CTPS2: variants seen among roughly 807,000 people sequenced by gnomAD.
CTPS2 encodes the protein CTP synthase 2, also known as CTP synthase II.
CTPS2 carries 19 observed loss-of-function variants against 46.8 expected under a neutral mutation model. That is an observed-to-expected ratio of 0.41 (90% CI 0.28 to 0.60). The LOEUF is 0.60. CTPS2 is among the 20% of genes least tolerant of loss of function. The probability of loss-of-function intolerance (pLI) is 0.35; values close to 1 mark genes in which losing one functional copy is unlikely to be tolerated. For synonymous variants in CTPS2, 151 were observed against 165.2 expected (o/e 0.91, Z 0.66); for missense variants, 286 against 447.6 (o/e 0.64, Z 3.26).
At position 16,662,012 on chromosome X, in the gene CTPS2, A is replaced by ATATATATATATATATATG. The variant is rs1555967619; in HGVS notation, c.1296+5501_1296+5502insCATATATATATATATATA. On this transcript the variant is annotated intron_variant, in intron 13 of 18. Transcript: ENST00000359276. ...TTCATTCATATATATATATATATAT[A>ATATATATATATATATATG]TGCCTCAAAAGCTGAAAATATTCAA... Among the ~76,000 whole-genome samples the ATATATATATATATATATG allele has an allele frequency of 1.0e-3, 107 of 105,428 alleles. 1 individual carries two copies. Among genetic ancestry groups the ATATATATATATATATATG allele is most frequent in the African/African-American group, 3.6e-3 (102 of 28,531 alleles). 91.6% of individuals were successfully genotyped at this position (105,428 alleles called of 115,157 possible).
chrX:16,617,319 T>C, intron 15 of CTPS2, 73 bp from the exon 16 acceptor site: 3 of 745,936 alleles, frequency 4.0e-6, no homozygotes, highest in Non-Finnish European at 6.0e-6. Context: ...CTTCATCAGT[T>C]GGGTGGGTTT....
chrX:16,664,202 C>T (rs1394084954), intron 13 of CTPS2, among the ~76,000 whole-genome samples: 2 of 112,306 alleles, frequency 1.8e-5, no homozygotes, highest in Non-Finnish European at 3.8e-5. Context: ...AAGAATTAAC[C>T]TTGCCAACAC....
chrX:16,653,809 T>C (rs1196219280), intron 13 of CTPS2, among the ~76,000 whole-genome samples: 1 of 112,314 alleles, frequency 8.9e-6, no homozygotes, highest in Non-Finnish European at 1.9e-5. Context: ...GGTTGAGCTC[T>C]GGAGTCAACG....
chrX:16,666,513 T>C (rs1245439009), intron 13 of CTPS2, among the ~76,000 whole-genome samples: 1 of 111,016 alleles, frequency 9.0e-6, no homozygotes, highest in Non-Finnish European at 1.9e-5. Flanking sequence ...CTGGGCAACA[T>C]AGTGAGACCT....
At chrX:16,636,833 C>T (rs1446323386) in intron 14 of CTPS2, among the ~76,000 whole-genome samples, 7 of 110,494 alleles carry the variant, frequency 6.3e-5, no homozygotes, top group African/African-American at 2.3e-4. Flanking sequence ...AGGAGAATGG[C>T]GTGAACCTGG....
At chrX:16,603,815 TAGC>T (rs1385317746) in intron 17 of CTPS2, among the ~76,000 whole-genome samples, 1 of 110,903 alleles carries the variant, frequency 9.0e-6, no homozygotes, top group African/African-American at 3.3e-5. Context: ...GCATGTTACT[TAGC>T]AGGAAAAAAC....
chrX:16,654,438 C>T, intron 13 of CTPS2: 1 of 1,202,458 alleles, frequency 8.3e-7, no homozygotes, highest in Non-Finnish European at 1.1e-6. Context: ...CTTTCAAGAA[C>T]TGGACAAGAA....
rs1458417128 is a variant in CTPS2 at position 16,704,670 on chromosome X, G to A, written c.-39-1729C>T. On this transcript the variant is annotated intron_variant, in intron 1 of 18. Transcript: ENST00000359276. ...GTAAATAAACTACAGACTTTCCGCCGGGCACGGTGGCTCACACCTGTAATC... is the reference window on the plus strand; with the variant it reads ...GTAAATAAACTACAGACTTTCCGCCAGGCACGGTGGCTCACACCTGTAATC... 7.2e-5 allele frequency among the ~76,000 whole-genome samples: 8 copies of A among 111,410 alleles called. No individual in the cohort carries two copies. In the South Asian group the frequency reaches 1.1e-3, roughly 16 times the overall value.
intron 16 of CTPS2, among the ~76,000 whole-genome samples, chrX:16,610,389 T>G (rs769613912): frequency 9.0e-6 from 1 of 111,299 alleles, no homozygotes; most frequent in South Asian, 3.8e-4. Context: ...AAATCTAGTA[T>G]GGAATTCAAA....
intron 17 of CTPS2, among the ~76,000 whole-genome samples, chrX:16,592,637 A>C (rs1370849789): frequency 9.0e-6 from 1 of 111,598 alleles, no homozygotes; most frequent in Non-Finnish European, 1.9e-5. Flanking sequence ...CTCAAGACCC[A>C]GAAAACACCC....
chrX:16,699,226 T>C (rs1257829105), intron 2 of CTPS2, 133 bp from the exon 3 acceptor site: 5 of 414,494 alleles, frequency 1.2e-5, no homozygotes. Flanking sequence ...TCCTTTTTGG[T>C]GGAGATATTA....
chrX:16,623,277 CT>C (rs752370115), intron 14 of CTPS2, among the ~76,000 whole-genome samples: 1 of 111,691 alleles, frequency 9.0e-6, no homozygotes, highest in Non-Finnish European at 1.9e-5. Context: ...CAATTACTCT[CT>C]CTTAGAGTTA....
intron 9 of CTPS2, 140 bp downstream of exon 9, chrX:16,682,954 T>A: frequency 1.6e-6 from 1 of 619,457 alleles, no homozygotes; most frequent in East Asian, 3.3e-5. Flanking sequence ...TATAACTATA[T>A]GATGAGTCCT....
chrX:16,646,898 A>G (rs759658240), intron 13 of CTPS2, among the ~76,000 whole-genome samples: 1 of 111,995 alleles, frequency 8.9e-6, no homozygotes, highest in African/African-American at 3.2e-5. Context: ...GTGAGGTGAT[A>G]AATAACCTTT....
At chrX:16,689,720 ACG>A in intron 7 of CTPS2, 119 bp from the exon 8 acceptor site, 1 of 570,256 alleles carries the variant, frequency 1.8e-6, no homozygotes, top group Non-Finnish European at 2.7e-6. Flanking sequence ...ACACACACAC[ACG>A]CACACACAAA....
At chrX:16,600,533 CAGT>C (rs1206884523) in intron 17 of CTPS2, among the ~76,000 whole-genome samples, 4 of 111,279 alleles carry the variant, frequency 3.6e-5, no homozygotes, top group Non-Finnish European at 7.5e-5. Context: ...TCATAGTAAA[CAGT>C]AGAATACCAC....
intron 13 of CTPS2, among the ~76,000 whole-genome samples, chrX:16,665,977 C>T (rs1921142357): frequency 8.9e-6 from 1 of 112,196 alleles, no homozygotes; most frequent in Non-Finnish European, 1.9e-5. Flanking sequence ...GTCTCGAACT[C>T]CTGACCTCAA....
intron 14 of CTPS2, among the ~76,000 whole-genome samples, chrX:16,625,676 C>T (rs113867433): frequency 0.033 from 3,604 of 110,456 alleles, 79 homozygotes; most frequent in East Asian, 0.13. Context: ...ATGGTGAATG[C>T]GGGGATTTTA....
chrX:16,600,144 A>G (rs772499589), intron 17 of CTPS2, among the ~76,000 whole-genome samples: 4 of 112,127 alleles, frequency 3.6e-5, no homozygotes, highest in East Asian at 5.6e-4. Context: ...CTGGCTCCCA[A>G]TAAATTCCCA....
Sources: allele counts gnomAD v4.1 joint callset (sites outside exome capture counted in the v4.1 genomes callset), GRCh38; gene constraint gnomAD v4.1.1; transcripts MANE v1.5; gene names NCBI Gene and HGNC (gene_info 2026-07-23, HGNC 2026-07-21).